SLC41A2: variants seen among roughly 807,000 people sequenced by gnomAD.
The protein encoded by SLC41A2 is SLC41A1-like 1.
In SLC41A2, 32 loss-of-function variants were observed where a neutral mutation model predicts 58.3. The observed-to-expected ratio is 0.55, with a 90% CI of 0.41 to 0.74. SLC41A2 has a LOEUF of 0.74. Among genes scored for constraint, SLC41A2 ranks in the 30% least tolerant of loss-of-function variants. The probability of loss-of-function intolerance (pLI) is 0.00; values close to 1 mark genes in which losing one functional copy is unlikely to be tolerated. For missense variants in SLC41A2, 514 were observed against 680.6 expected, an observed-to-expected ratio of 0.76 and a Z score of 2.72; for synonymous variants, 190 against 235.0, an observed-to-expected ratio of 0.81 and a Z score of 1.75.
intron 10 of SLC41A2, among the ~76,000 whole-genome samples, chr12:104,809,803 A>G (rs2041092590): frequency 6.6e-6 from 1 of 152,192 alleles, no homozygotes; most frequent in Non-Finnish European, 1.5e-5. Context: ...AAAAGGCAGC[A>G]TGATGTCAAG....
chr12:104,811,220 T>G (rs1416939578), intron 10 of SLC41A2, among the ~76,000 whole-genome samples: 3 of 152,188 alleles, frequency 2.0e-5, no homozygotes, highest in Admixed American at 2.0e-4. Flanking sequence ...ACAAGCATAC[T>G]GAGAGATGTG....
intron 7 of SLC41A2, among the ~76,000 whole-genome samples, chr12:104,863,397 T>C (rs1235375271): frequency 6.6e-6 from 1 of 152,022 alleles, no homozygotes; most frequent in Non-Finnish European, 1.5e-5. Flanking sequence ...ATCAAGCCAC[T>C]GTGCTTCAGC....
intron 10 of SLC41A2, among the ~76,000 whole-genome samples, chr12:104,829,321 T>G (rs1445751681): frequency 6.6e-6 from 1 of 152,254 alleles, no homozygotes; most frequent in East Asian, 1.9e-4. Flanking sequence ...GCAATAAAAA[T>G]TATTAAACTA....
intron 3 of SLC41A2, among the ~76,000 whole-genome samples, chr12:104,907,259 A>C (rs1424398839): frequency 6.8e-6 from 1 of 146,072 alleles, no homozygotes; most frequent in Non-Finnish European, 1.5e-5. Flanking sequence ...GCACCACAAG[A>C]TATTCGAGAT....
intron 6 of SLC41A2, among the ~76,000 whole-genome samples, chr12:104,883,380 C>T (rs890553136): frequency 6.6e-6 from 1 of 152,164 alleles, no homozygotes; most frequent in African/African-American, 2.4e-5. Flanking sequence ...AGCTGTGAAT[C>T]TTTGGAGGAG....
intron 2 of SLC41A2, among the ~76,000 whole-genome samples, chr12:104,915,843 G>C (rs1479890517): frequency 6.6e-6 from 1 of 152,122 alleles, no homozygotes; most frequent in Admixed American, 6.5e-5. Flanking sequence ...TCCCTGTCTT[G>C]TGACACTTTT....
chr12:104,837,893 G>T (rs1490375084), intron 10 of SLC41A2, among the ~76,000 whole-genome samples: 2 of 152,062 alleles, frequency 1.3e-5, no homozygotes, highest in Non-Finnish European at 2.9e-5. Context: ...GTTACAAGAG[G>T]TTAATAAACC....
Position 104,844,509 on chromosome 12 carries a change from AT to A in SLC41A2, c.1498del (p.Ile500SerfsTer3). The A allele has an allele frequency of 6.4e-7, 1 of 1,559,862 alleles. No homozygotes were observed. The highest frequency in any genetic ancestry group is 1.3e-5 in the South Asian group (1 of 78,894). On this transcript the variant is annotated frameshift_variant, in exon 10 of 11. Coordinates refer to ENST00000258538, the MANE Select transcript of SLC41A2 (RefSeq NM_001352171.3). LOFTEE classifies it high-confidence loss of function. ...GCCAAATAAATACACTACTATGAAG[AT>A]TATAGTTAAAGAAGTATGACCACTT... ...MKSGHTSLTI[I>X]FIVVYLFGAV...
intron 1 of SLC41A2, among the ~76,000 whole-genome samples, chr12:104,940,774 C>G (rs911121730): frequency 1.3e-5 from 2 of 151,568 alleles, no homozygotes; most frequent in African/African-American, 4.8e-5. Flanking sequence ...AAAAAATTAG[C>G]TGGGTGTGGT....
chr12:104,954,896 G>A (rs3935722), intron 1 of SLC41A2, among the ~76,000 whole-genome samples: 6,244 of 151,776 alleles, frequency 0.041, 179 homozygotes, highest in East Asian at 0.11. Flanking sequence ...TTTTCTTGAC[G>A]AAATTTTACT....
At chr12:104,831,606 T>A (rs1303240272) in intron 10 of SLC41A2, among the ~76,000 whole-genome samples, 1 of 152,220 alleles carries the variant, frequency 6.6e-6, no homozygotes, top group Non-Finnish European at 1.5e-5. Context: ...TTGTTGAGAA[T>A]GTAATTTTAC....
In SLC41A2 at chr12:104,805,175, G is replaced by A. The variant is rs540046926; in HGVS notation, c.1699C>T (p.Arg567Ter). 1.2e-6 allele frequency: 2 copies of A among 1,610,816 alleles called. No homozygotes were observed. The highest frequency in any genetic ancestry group is 8.5e-7 in the Non-Finnish European group (1 of 1,178,504). ...SFHFLWLIGDRDGDVGD is the reference protein window; with the variant it reads ...SFHFLWLIGD ...TATTAGTCTCCAACATCTCCATCTC[G>A]ATCTCCAATAAGCCAAAGAAAATGA... Residue 567 changes from arginine (R) to a stop codon, truncating the protein, a stop_gained, in exon 11 of 11, where the codon CGA becomes TGA. Coordinates refer to ENST00000258538, the MANE Select transcript of SLC41A2 (RefSeq NM_001352171.3). LOFTEE classifies it high-confidence loss of function.
chr12:104,879,164 A>AT (rs1042402933), intron 6 of SLC41A2, among the ~76,000 whole-genome samples: 180 of 151,880 alleles, frequency 1.2e-3, no homozygotes, highest in African/African-American at 4.1e-3. Context: ...GGGTTGTTTG[A>AT]TTTTTTTCTT....
chr12:104,852,408 C>A (rs1366130481), intron 8 of SLC41A2, among the ~76,000 whole-genome samples: 1 of 152,156 alleles, frequency 6.6e-6, no homozygotes, highest in East Asian at 1.9e-4. Flanking sequence ...TACTCTACAA[C>A]TGCAACTTCT....
chr12:104,854,370 T>C (rs2042941902), intron 8 of SLC41A2, among the ~76,000 whole-genome samples: 1 of 152,028 alleles, frequency 6.6e-6, no homozygotes, highest in Non-Finnish European at 1.5e-5. Context: ...AAGACCATCC[T>C]GGCTAACACG....
intron 1 of SLC41A2, among the ~76,000 whole-genome samples, chr12:104,949,033 T>C (rs1333997899): frequency 6.6e-6 from 1 of 151,960 alleles, no homozygotes; most frequent in East Asian, 1.9e-4. Flanking sequence ...CTGATCAACA[T>C]GGAAAAACCC....
At chr12:104,825,603 G>A (rs1285034951) in intron 10 of SLC41A2, among the ~76,000 whole-genome samples, 4 of 152,184 alleles carry the variant, frequency 2.6e-5, no homozygotes, top group Admixed American at 2.6e-4. Flanking sequence ...GTTAAGGGAG[G>A]AATGACCCCT....
chr12:104,914,400 T>C (rs2046222031), intron 2 of SLC41A2, among the ~76,000 whole-genome samples: 2 of 152,234 alleles, frequency 1.3e-5, no homozygotes, highest in Admixed American at 1.3e-4. Context: ...TTGGAAACTA[T>C]CACCTTCATT....
rs371077419 is a variant in SLC41A2, at chr12:104,928,321, T to C, written c.207A>G (p.Leu69=). 1.2e-6 allele frequency: 2 copies of C among 1,613,172 alleles called. No homozygotes were observed. Among genetic ancestry groups the C allele is most frequent in the Non-Finnish European group, 1.7e-6 (2 of 1,179,624 alleles). The change falls in exon 2 of 11, where the codon TTA becomes TTG. Residue 69 remains leucine (L), a synonymous_variant. Coordinates refer to ENST00000258538, the MANE Select transcript of SLC41A2 (RefSeq NM_001352171.3). ...TACTAAAAGTCTGTACTGCAGTTGATAATCCATCTTGCCAAATGCCGTTTG... is the reference window on the plus strand; with the variant it reads ...TACTAAAAGTCTGTACTGCAGTTGACAATCCATCTTGCCAAATGCCGTTTG... ...KKANGIWQDG[L]STAVQTFSNR...
Sources: allele counts gnomAD v4.1 joint callset (sites outside exome capture counted in the v4.1 genomes callset), GRCh38; gene constraint gnomAD v4.1.1; transcripts MANE v1.5; gene names NCBI Gene and HGNC (gene_info 2026-07-23, HGNC 2026-07-21).